The following PTPRN2 variants were observed in gnomAD, a reference collection of about 807,000 sequenced individuals.
PTPRN2 encodes the protein protein tyrosine phosphatase receptor type N2.
In PTPRN2, 74 loss-of-function variants were observed where a neutral mutation model predicts 118.8. That is an observed-to-expected ratio of 0.62 (90% CI 0.52 to 0.76). The LOEUF is 0.76. PTPRN2 is among the 30% of genes least tolerant of loss of function. The probability of loss-of-function intolerance (pLI) is 0.00; values close to 1 mark genes in which losing one functional copy is unlikely to be tolerated. For missense variants in PTPRN2, 1,481 were observed against 1,394.4 expected (o/e 1.06, Z -0.99); for synonymous variants, 641 against 608.0 (o/e 1.05, Z -0.80).
chr7:158,435,949 G>A (rs1159233722), intron 2 of PTPRN2, among the ~76,000 whole-genome samples: 1 of 152,160 alleles, frequency 6.6e-6, no homozygotes, highest in African/African-American at 2.4e-5. Context: ...GCTAATCAAT[G>A]GGTATCAAGT....
rs369387634 is a variant in PTPRN2, at chr7:158,351,084, G to T, written c.164-34152C>A. 5.8e-4 allele frequency among the ~76,000 whole-genome samples: 88 copies of T among 152,274 alleles called. 1 individual carries two copies. In the South Asian group the frequency reaches 0.017, roughly 30 times the overall value. ...CATTACGAAATGAAAAGCTGCTTTG[G>T]GGAATGCTGTGTTGATGTGTCAGCA... On this transcript the variant is annotated intron_variant, in intron 2 of 22. Transcript: ENST00000389418.
At chr7:157,593,817 C>T (rs1268364779) in intron 17 of PTPRN2, among the ~76,000 whole-genome samples, 1 of 152,220 alleles carries the variant, frequency 6.6e-6, no homozygotes, top group Non-Finnish European at 1.5e-5. Flanking sequence ...GGGCGACTCC[C>T]CAGCTGTGAC....
At chr7:158,402,068 G>A (rs1346416561) in intron 2 of PTPRN2, among the ~76,000 whole-genome samples, 1 of 152,106 alleles carries the variant, frequency 6.6e-6, no homozygotes, top group African/African-American at 2.4e-5. Context: ...AGGGAGAGGC[G>A]GGACACGGGG....
chr7:157,958,635 C>T (rs1190638899), intron 11 of PTPRN2, among the ~76,000 whole-genome samples: 3 of 152,198 alleles, frequency 2.0e-5, no homozygotes, highest in African/African-American at 7.2e-5. Context: ...GCCAAAAGGA[C>T]ATTTAAAAAG....
At chr7:158,311,782 C>T (rs960867819) in intron 3 of PTPRN2, among the ~76,000 whole-genome samples, 3 of 152,252 alleles carry the variant, frequency 2.0e-5, no homozygotes, top group Non-Finnish European at 4.4e-5. Flanking sequence ...TTCTGGAATC[C>T]TGAAAAACCT....
intron 2 of PTPRN2, among the ~76,000 whole-genome samples, chr7:158,431,562 GCACATACTGGC>G (rs1487225567): frequency 3.4e-5 from 5 of 146,356 alleles, no homozygotes; most frequent in Non-Finnish European, 7.5e-5. Context: ...CTCACACTGG[GCACATACTGGC>G]CACATACTGG....
Position 158,319,492 on chromosome 7 carries a change from ACT to A in PTPRN2, c.164-2562_164-2561del, listed in dbSNP as rs1355260863. Among the ~76,000 whole-genome samples, 216 of 30,348 alleles carry A rather than the reference ACT, an allele frequency of 7.1e-3. 51 individuals are homozygous for A. Among genetic ancestry groups the A allele is most frequent in the African/African-American group, 0.023 (190 of 8,146 alleles). 19.9% of individuals were successfully genotyped at this position (30,348 alleles called of 152,430 possible). Reference sequence around the variant, plus strand: ...CACACACAAGCACAGCCTCCCTCACACTCACACAGCCTCCCCCCACACACACA... The same window carrying A: ...CACACACAAGCACAGCCTCCCTCACACACACAGCCTCCCCCCACACACACA... On this transcript the variant is annotated intron_variant, in intron 2 of 22. Coordinates refer to ENST00000389418, the MANE Select transcript of PTPRN2 (RefSeq NM_002847.5).
At position 157,590,988 on chromosome 7, in the gene PTPRN2, AC is replaced by A. The variant is rs1800953816; in HGVS notation, c.2496+4249del. ...ACCCCCAAATCCATGTCCACCTGGA[AC>A]CCATGAATGTGGTCTTATTTGGAAA... On this transcript the variant is annotated intron_variant, in intron 17 of 22. Transcript: ENST00000389418. The surrounding 1 kb of genome is among the most constrained non-coding windows in gnomAD (Gnocchi z 4.0). Among the ~76,000 whole-genome samples, 2 of 152,122 alleles carry A rather than the reference AC, an allele frequency of 1.3e-5. No individual in the cohort carries two copies. The highest frequency in any genetic ancestry group is 2.9e-5 in the Non-Finnish European group (2 of 68,014).
intron 2 of PTPRN2, among the ~76,000 whole-genome samples, chr7:158,377,993 G>A (rs531142169): frequency 5.9e-5 from 9 of 152,286 alleles, no homozygotes; most frequent in South Asian, 4.1e-4. Context: ...CGCTAGCTCC[G>A]GGTTTTCTGG....
intron 12 of PTPRN2, among the ~76,000 whole-genome samples, chr7:157,793,223 C>T (rs11765870): frequency 0.14 from 21,653 of 152,020 alleles, 1,603 homozygotes; most frequent in South Asian, 0.18. Flanking sequence ...GCAGAGCAAA[C>T]ACAGTTTCTG....
chr7:158,338,653 C>A (rs1277923803), intron 2 of PTPRN2, among the ~76,000 whole-genome samples: 37 of 44,650 alleles, frequency 8.3e-4, no homozygotes, highest in Non-Finnish European at 1.3e-3. Flanking sequence ...AAGCTGATGC[C>A]TGCAGACGTC....
At chr7:158,149,203 G>C (rs191989529) in intron 6 of PTPRN2, among the ~76,000 whole-genome samples, 19 of 146,764 alleles carry the variant, frequency 1.3e-4, no homozygotes, top group African/African-American at 4.3e-4. Context: ...TCAAGTGCAC[G>C]AGTGTCTGGG....
intron 7 of PTPRN2, among the ~76,000 whole-genome samples, chr7:158,136,898 T>G (rs1818873259): frequency 6.6e-6 from 1 of 152,186 alleles, no homozygotes. Flanking sequence ...CGGAGGGGAC[T>G]GAGGAGCTAA....
rs1471785331 is a variant in PTPRN2 at position 157,591,516 on chromosome 7, C to T, written c.2496+3722G>A. Reference sequence around the variant, plus strand: ...TTCGCATTTCAAATCCACCTTTGTCCTTAAAAATACACGTTACCGTGGGTT... The same window carrying T: ...TTCGCATTTCAAATCCACCTTTGTCTTTAAAAATACACGTTACCGTGGGTT... On this transcript the variant is annotated intron_variant, in intron 17 of 22. Coordinates refer to ENST00000389418, the MANE Select transcript of PTPRN2 (RefSeq NM_002847.5). This position sits in a 1 kb window ranked among gnomAD's most constrained non-coding sequence, Gnocchi z 4.4. Among the ~76,000 whole-genome samples, 1 of 152,232 alleles carries T rather than the reference C, an allele frequency of 6.6e-6. No homozygotes were observed. Among genetic ancestry groups the T allele is most frequent in the Non-Finnish European group, 1.5e-5 (1 of 68,044 alleles).
chr7:158,234,381 C>T (rs1467089735), intron 3 of PTPRN2, among the ~76,000 whole-genome samples: 2 of 151,176 alleles, frequency 1.3e-5, no homozygotes, highest in South Asian at 2.1e-4. Flanking sequence ...TAAAAACATA[C>T]AAATGGCAAA....
chr7:158,106,276 A>G (rs913729110), intron 10 of PTPRN2, among the ~76,000 whole-genome samples: 1 of 151,468 alleles, frequency 6.6e-6, no homozygotes, highest in Admixed American at 6.6e-5. Context: ...TTTCTGCTCT[A>G]TCTCATTTTT....
chr7:157,849,261 C>T (rs1431497535), intron 12 of PTPRN2, among the ~76,000 whole-genome samples: 2 of 152,198 alleles, frequency 1.3e-5, no homozygotes, highest in African/African-American at 2.4e-5. Flanking sequence ...GTGCCTTTCT[C>T]CCCCAGGCTG....
At chr7:157,694,713 G>T (rs1012374532) in intron 12 of PTPRN2, among the ~76,000 whole-genome samples, 2 of 151,886 alleles carry the variant, frequency 1.3e-5, no homozygotes, top group African/African-American at 4.8e-5. Flanking sequence ...AATAATGTGA[G>T]ACTAGATTCA....
chr7:158,587,531 G>T (rs773819895), intron 1 of PTPRN2, 27 bp downstream of exon 1: 6 of 1,226,158 alleles, frequency 4.9e-6, no homozygotes, highest in Admixed American at 8.0e-5. Context: ...TCATTGAGGC[G>T]CCCCTCCCCC....
Sources: allele counts gnomAD v4.1 joint callset (sites outside exome capture counted in the v4.1 genomes callset), GRCh38; gene constraint gnomAD v4.1.1; non-coding constraint Gnocchi (gnomAD v3.1); transcripts MANE v1.5; gene names NCBI Gene and HGNC (gene_info 2026-07-23, HGNC 2026-07-21).